Variants in FBXL20 observed in about 807,000 individuals in gnomAD.
FBXL20 encodes the protein F-box and leucine rich repeat protein 20, also known as F-box/LRR-repeat protein 20.
In FBXL20, 11 loss-of-function variants were observed where a neutral mutation model predicts 64.0. The ratio of observed to expected loss-of-function variants is 0.17; its 90% CI spans 0.11 to 0.28. The LOEUF is 0.28. Among genes scored for constraint, FBXL20 ranks in the 10% least tolerant of loss-of-function variants. FBXL20 has a pLI of 1.00. For missense variants in FBXL20, 303 were observed against 526.2 expected (o/e 0.58, Z 4.15); for synonymous variants, 184 against 189.0 (o/e 0.97, Z 0.22).
intron 1 of FBXL20, among the ~76,000 whole-genome samples, chr17:39,368,493 C>G (rs1213852554): frequency 1.3e-5 from 2 of 152,176 alleles, no homozygotes; most frequent in Non-Finnish European, 2.9e-5. Flanking sequence ...CCTTTTCCTA[C>G]CAAGTCCTAA....
chr17:39,386,854 G>A (rs1408101778), intron 1 of FBXL20, among the ~76,000 whole-genome samples: 2 of 152,076 alleles, frequency 1.3e-5, no homozygotes, highest in Non-Finnish European at 2.9e-5. Context: ...ATATTGCATT[G>A]AATCTTGTGC....
At chr17:39,354,010 T>C (rs1199474557) in intron 1 of FBXL20, among the ~76,000 whole-genome samples, 1 of 152,162 alleles carries the variant, frequency 6.6e-6, no homozygotes, top group Non-Finnish European at 1.5e-5. Context: ...TTAACACTAC[T>C]GAACTGTGTA....
rs146687042 is a variant in FBXL20, at chr17:39,323,751, G to A, written c.104+19429C>T. On this transcript the variant is annotated intron_variant, in intron 2 of 14. Transcript: ENST00000264658. ...CTCCTGGCTTCTCAGACACCACCTT[G>A]TTATGTCTTTAGTATACTTCTGTTT... Among the ~76,000 whole-genome samples the A allele has an allele frequency of 4.6e-5, 7 of 150,732 alleles. No individual in the cohort carries two copies. The East Asian group carries it at 1.4e-3, about 29-fold the overall frequency.
intron 1 of FBXL20, among the ~76,000 whole-genome samples, chr17:39,359,410 G>A (rs561907843): frequency 2.0e-5 from 3 of 152,190 alleles, no homozygotes; most frequent in Non-Finnish European, 2.9e-5. Flanking sequence ...AGATCATGAT[G>A]TCAGGAGTTC....
chr17:39,349,472 C>T (rs1318066386), intron 1 of FBXL20, among the ~76,000 whole-genome samples: 1 of 151,688 alleles, frequency 6.6e-6, no homozygotes, highest in Non-Finnish European at 1.5e-5. Context: ...CCTATAATCC[C>T]GGCACCTTGG....
At chr17:39,268,567 A>G (rs1008325517) in intron 12 of FBXL20, among the ~76,000 whole-genome samples, 8 of 152,106 alleles carry the variant, frequency 5.3e-5, no homozygotes, top group African/African-American at 1.7e-4. Context: ...CTAAGGAAAT[A>G]TTTTTAACAG....
chr17:39,398,290 A>G (rs979563629), intron 1 of FBXL20, among the ~76,000 whole-genome samples: 13 of 152,148 alleles, frequency 8.5e-5, no homozygotes, highest in African/African-American at 3.1e-4. Context: ...AAAGAAAAAA[A>G]GCAACAAAAC....
intron 1 of FBXL20, among the ~76,000 whole-genome samples, chr17:39,385,171 A>G (rs2048066186): frequency 6.6e-6 from 1 of 152,096 alleles, no homozygotes; most frequent in East Asian, 1.9e-4. Context: ...GCAGTGAGCT[A>G]TGATGGCGCC....
chr17:39,313,669 CTT>C (rs2047257824), intron 2 of FBXL20, among the ~76,000 whole-genome samples: 1 of 149,520 alleles, frequency 6.7e-6, no homozygotes, highest in African/African-American at 2.5e-5. Flanking sequence ...GAGTTTTGCT[CTT>C]GTTGCCCAGG....
At chr17:39,298,174 G>A (rs576133121) in intron 5 of FBXL20, among the ~76,000 whole-genome samples, 1 of 152,178 alleles carries the variant, frequency 6.6e-6, no homozygotes, top group East Asian at 1.9e-4. Context: ...GAGTACAGTG[G>A]TACAATCACA....
chr17:39,289,985 C>T (rs149866434), intron 6 of FBXL20, among the ~76,000 whole-genome samples: 1,901 of 109,488 alleles, frequency 0.017, 24 homozygotes, highest in Middle Eastern at 0.077. Flanking sequence ...GGCAATAGTG[C>T]GAGACTCAGT....
chr17:39,268,954 G>A (rs2046815905), intron 11 of FBXL20, 83 bp from the exon 12 acceptor site: 2 of 1,196,970 alleles, frequency 1.7e-6, no homozygotes, highest in Non-Finnish European at 2.4e-6. Context: ...AAACTAAGAG[G>A]TAATATTAAA....
intron 1 of FBXL20, among the ~76,000 whole-genome samples, chr17:39,391,688 C>A (rs2144676916): frequency 6.6e-6 from 1 of 152,214 alleles, no homozygotes; most frequent in South Asian, 2.1e-4. Flanking sequence ...ATAATAACAT[C>A]AAAAGATATA....
intron 1 of FBXL20, among the ~76,000 whole-genome samples, chr17:39,383,526 A>T (rs1271700964): frequency 6.6e-6 from 1 of 151,852 alleles, no homozygotes; most frequent in African/African-American, 2.4e-5. Flanking sequence ...TGAAGTACAG[A>T]GTAGAATGAA....
chr17:39,399,501 T>C (rs1348429608), intron 1 of FBXL20, among the ~76,000 whole-genome samples: 1 of 152,212 alleles, frequency 6.6e-6, no homozygotes, highest in Non-Finnish European at 1.5e-5. Context: ...CACATATCAT[T>C]TCTAGCCATT....
At position 39,253,575 on chromosome 17, in the gene FBXL20, T is replaced by A. The variant is rs2046669129; in HGVS notation, c.*7885A>T. On this transcript the variant is annotated 3_prime_UTR_variant, in exon 15 of 15. Coordinates refer to ENST00000264658, the MANE Select transcript of FBXL20 (RefSeq NM_032875.3). Reference sequence around the variant, plus strand: ...CATGGGTAGCTTCTGAGGAGCATGGTCTCGTGGATCTTGTGTATGTGCCAA... The same window carrying A: ...CATGGGTAGCTTCTGAGGAGCATGGACTCGTGGATCTTGTGTATGTGCCAA... The A allele has an allele frequency of 6.6e-6, 1 of 152,340 alleles. No individual in the cohort carries two copies. Among genetic ancestry groups the A allele is most frequent in the Non-Finnish European group, 1.5e-5 (1 of 68,044 alleles). The allele number at this position is 152,340 out of a possible 1,614,324, so 9.4% of individuals were successfully genotyped here.
chr17:39,334,605 A>G (rs182678661), intron 2 of FBXL20, among the ~76,000 whole-genome samples: 1 of 152,308 alleles, frequency 6.6e-6, no homozygotes, highest in Admixed American at 6.5e-5. Context: ...CAACACCAGA[A>G]GAGTTGAAAA....
intron 9 of FBXL20, among the ~76,000 whole-genome samples, chr17:39,279,615 G>A (rs1465787051): frequency 6.6e-6 from 1 of 151,848 alleles, no homozygotes; most frequent in Non-Finnish European, 1.5e-5. Flanking sequence ...GTGTACTGTT[G>A]GCCAGGCACG....
intron 4 of FBXL20, among the ~76,000 whole-genome samples, chr17:39,300,242 T>C (rs1007067308): frequency 6.6e-6 from 1 of 152,204 alleles, no homozygotes; most frequent in African/African-American, 2.4e-5. Context: ...TTTGGTTGGT[T>C]TTGAACTCCT....
Sources: gnomAD v4.1 joint callset for allele counts (sites outside exome capture counted in the v4.1 genomes callset) on GRCh38, gnomAD v4.1.1 for gene constraint, MANE v1.5 for transcripts, NCBI Gene and HGNC (gene_info 2026-07-23, HGNC 2026-07-21) for gene names.